OLFM3: variants seen among roughly 807,000 people sequenced by gnomAD.
OLFM3 encodes olfactomedin 3.
In OLFM3, 20 loss-of-function variants were observed where a neutral mutation model predicts 48.6. That is an observed-to-expected ratio of 0.41 (90% confidence interval 0.29 to 0.60). The LOEUF (loss-of-function observed/expected upper bound fraction) is 0.60. Among genes scored for constraint, OLFM3 ranks in the 20% least tolerant of loss-of-function variants. The pLI is 0.28. For synonymous variants in OLFM3, 222 were observed against 198.1 expected (o/e 1.12, Z -1.01); for missense variants, 437 against 544.3 (o/e 0.80, Z 1.96).
chr1:101,895,379 T>C (rs1658157266), intron 1 of OLFM3, among the ~76,000 whole-genome samples: 1 of 151,400 alleles, frequency 6.6e-6, no homozygotes, highest in African/African-American at 2.4e-5. Context: ...ACCTTAGACT[T>C]ATGTGCTATT....
At chr1:101,806,782 A>G (rs1400641071) in intron 4 of OLFM3, among the ~76,000 whole-genome samples, 1 of 151,808 alleles carries the variant, frequency 6.6e-6, no homozygotes, top group Non-Finnish European at 1.5e-5. Flanking sequence ...GGCAGATATG[A>G]ACACACAAAG....
chr1:101,815,884 A>G lies in OLFM3; in HGVS notation c.592+9142T>C, dbSNP rs183822898. On this transcript the variant is annotated intron_variant, in intron 4 of 5. Transcript: ENST00000370103. The stretch of plus-strand genomic sequence containing the variant: ...GATGACAGTGAAAGCCAGGGGCTAC[A>G]TATTGCCTCAGAGGGAAGGCATACA... Among the ~76,000 whole-genome samples, 90 of 152,364 alleles carry G rather than the reference A, an allele frequency of 5.9e-4. 1 individual carries two copies. The highest frequency in any genetic ancestry group is 2.2e-3 in the African/African-American group (90 of 41,588).
chr1:101,943,637 T>G (rs767111549), intron 1 of OLFM3, among the ~76,000 whole-genome samples: 3 of 152,232 alleles, frequency 2.0e-5, no homozygotes, highest in Non-Finnish European at 4.4e-5. Flanking sequence ...ATTCTAGATG[T>G]ACTGTTATCT....
chr1:101,820,637 A>G (rs1454122024), intron 4 of OLFM3, among the ~76,000 whole-genome samples: 1 of 152,092 alleles, frequency 6.6e-6, no homozygotes, highest in Non-Finnish European at 1.5e-5. Context: ...AGAAATAAGC[A>G]AAATGGTGCC....
At chr1:101,987,348 TTC>T (rs777835991) in intron 1 of OLFM3, among the ~76,000 whole-genome samples, 11 of 152,190 alleles carry the variant, frequency 7.2e-5, no homozygotes, top group African/African-American at 1.9e-4. Context: ...AGTCATTTTA[TTC>T]TCTGTTTCTA....
In OLFM3 at chr1:101,827,799, A is replaced by ATAT. The variant is rs1654933435; in HGVS notation, c.373-2555_373-2554insATA. ...CTTGGTTCTCATGCATATTAGATAT[A>ATAT]CGACTCTGGATAAATTACTCAACCT... is the stretch of plus-strand genomic sequence containing the variant. On this transcript the variant is annotated intron_variant, in intron 3 of 5. Coordinates refer to ENST00000370103, the MANE Select transcript of OLFM3 (RefSeq NM_058170.4). Among the ~76,000 whole-genome samples the ATAT allele has an allele frequency of 3.3e-5, 5 of 152,306 alleles. No individual in the cohort carries two copies. The South Asian group carries it at 1.0e-3, about 32-fold the overall frequency.
At chr1:101,956,993 TA>T (rs201916870) in intron 1 of OLFM3, among the ~76,000 whole-genome samples, 53 of 150,392 alleles carry the variant, frequency 3.5e-4, no homozygotes, top group South Asian at 6.3e-4. Context: ...GCAGAAACAA[TA>T]AAAAAAAAGT....
intron 1 of OLFM3, among the ~76,000 whole-genome samples, chr1:101,890,610 C>T (rs973765077): frequency 4.6e-5 from 7 of 150,584 alleles, no homozygotes; most frequent in Non-Finnish European, 7.4e-5. Flanking sequence ...GATTATCCTT[C>T]TAATTAAGGT....
At chr1:101,942,589 T>C (rs917592155) in intron 1 of OLFM3, among the ~76,000 whole-genome samples, 1 of 152,192 alleles carries the variant, frequency 6.6e-6, no homozygotes, top group Non-Finnish European at 1.5e-5. Flanking sequence ...GAACAGTACT[T>C]TACAGTTCTA....
intron 2 of OLFM3, among the ~76,000 whole-genome samples, chr1:101,831,989 G>A (rs537752398): frequency 2.0e-5 from 3 of 152,040 alleles, no homozygotes; most frequent in East Asian, 3.9e-4. Context: ...CACAACCTCC[G>A]CCTCCTGGGT....
chr1:101,965,594 A>C (rs904169691), intron 1 of OLFM3, among the ~76,000 whole-genome samples: 1 of 152,182 alleles, frequency 6.6e-6, no homozygotes, highest in African/African-American at 2.4e-5. Flanking sequence ...CTGGGTATCA[A>C]ACCAAGAACC....
intron 1 of OLFM3, among the ~76,000 whole-genome samples, chr1:101,911,588 C>T (rs945640748): frequency 6.6e-6 from 1 of 152,168 alleles, no homozygotes; most frequent in Non-Finnish European, 1.5e-5. Context: ...AGTTTAACCT[C>T]GCAACAGTCC....
intron 1 of OLFM3, among the ~76,000 whole-genome samples, chr1:101,937,881 A>G (rs1196797711): frequency 6.6e-6 from 1 of 152,036 alleles, no homozygotes; most frequent in African/African-American, 2.4e-5. Context: ...CATCCCTTAC[A>G]TATTATAGAT....
At chr1:101,850,953 C>T (rs1656199941) in intron 1 of OLFM3, among the ~76,000 whole-genome samples, 1 of 151,926 alleles carries the variant, frequency 6.6e-6, no homozygotes, top group African/African-American at 2.4e-5. Context: ...AGGAGGACAG[C>T]AATTGGGTAG....
At chr1:101,963,738 A>G (rs1226093112) in intron 1 of OLFM3, among the ~76,000 whole-genome samples, 1 of 152,142 alleles carries the variant, frequency 6.6e-6, no homozygotes, top group Non-Finnish European at 1.5e-5. Context: ...CTGGGGGGAC[A>G]TTTACATTCA....
intron 1 of OLFM3, among the ~76,000 whole-genome samples, chr1:101,874,294 A>C (rs987763931): frequency 6.6e-6 from 1 of 151,868 alleles, no homozygotes; most frequent in Non-Finnish European, 1.5e-5. Context: ...GAGAAATTCC[A>C]ATGAGTATTA....
At chr1:101,942,934 A>G (rs189980496) in intron 1 of OLFM3, among the ~76,000 whole-genome samples, 4 of 152,222 alleles carry the variant, frequency 2.6e-5, no homozygotes, top group Admixed American at 1.3e-4. Flanking sequence ...TTACAATTCT[A>G]TTTATTTCAT....
chr1:101,936,111 G>C (rs1317618306), intron 1 of OLFM3, among the ~76,000 whole-genome samples: 1 of 152,118 alleles, frequency 6.6e-6, no homozygotes, highest in Non-Finnish European at 1.5e-5. Context: ...AGTACTGGAA[G>C]TCCTAGCCAG....
intron 3 of OLFM3, among the ~76,000 whole-genome samples, chr1:101,829,896 G>A (rs568509927): frequency 5.9e-5 from 9 of 151,714 alleles, no homozygotes; most frequent in South Asian, 2.1e-4. Context: ...GTGCAGTGGC[G>A]CTGTCTCGGC....
Sources: gnomAD v4.1 joint callset for allele counts (sites outside exome capture counted in the v4.1 genomes callset) on GRCh38, gnomAD v4.1.1 for gene constraint, MANE v1.5 for transcripts, NCBI Gene and HGNC (gene_info 2026-07-23, HGNC 2026-07-21) for gene names.